PDGFRL: variants seen among roughly 807,000 people sequenced by gnomAD.
PDGFRL encodes platelet derived growth factor receptor like, also known as platelet-derived growth factor receptor-like protein.
In PDGFRL, 46 loss-of-function variants were observed where a neutral mutation model predicts 37.2. That is an observed-to-expected ratio of 1.24 (90% CI 0.98 to 1.58). The LOEUF (loss-of-function observed/expected upper bound fraction) is 1.58. PDGFRL is among the 40% of genes most tolerant of loss of function. The pLI is 0.00. For missense variants in PDGFRL, 692 were observed against 467.6 expected (o/e 1.48, Z -4.43); for synonymous variants, 251 against 184.3 (o/e 1.36, Z -2.93).
At chr8:17,588,590 T>C (rs1036004026) in intron 1 of PDGFRL, among the ~76,000 whole-genome samples, 1 of 152,172 alleles carries the variant, frequency 6.6e-6, no homozygotes, top group Non-Finnish European at 1.5e-5. Context: ...GGAGGATCAC[T>C]TGAGCCCAGG....
At chr8:17,630,524 T>C (rs1217303633) in intron 4 of PDGFRL, among the ~76,000 whole-genome samples, 1 of 152,178 alleles carries the variant, frequency 6.6e-6, no homozygotes, top group African/African-American at 2.4e-5. Flanking sequence ...TTGTTTAAAA[T>C]CTTCAGTCCC....
At chr8:17,640,909 G>A (rs368688546) in intron 5 of PDGFRL, among the ~76,000 whole-genome samples, 2 of 152,034 alleles carry the variant, frequency 1.3e-5, no homozygotes, top group African/African-American at 4.8e-5. Context: ...TGGGCTAGGC[G>A]TGTCTGAGCT....
intron 5 of PDGFRL, among the ~76,000 whole-genome samples, chr8:17,636,491 C>A (rs1445887095): frequency 6.6e-6 from 1 of 151,838 alleles, no homozygotes; most frequent in African/African-American, 2.4e-5. Context: ...TATACCAGTA[C>A]CATGCTGTTT....
At chr8:17,581,527 T>C (rs1424136249) in intron 1 of PDGFRL, among the ~76,000 whole-genome samples, 1 of 152,122 alleles carries the variant, frequency 6.6e-6, no homozygotes, top group African/African-American at 2.4e-5. Flanking sequence ...GTGGTGGTGG[T>C]GGTGGGAGGT....
intron 2 of PDGFRL, among the ~76,000 whole-genome samples, chr8:17,604,764 C>T (rs142909446): frequency 0.012 from 1,870 of 152,136 alleles, 53 homozygotes; most frequent in African/African-American, 0.042. Context: ...AAATTTAGAG[C>T]AAAATTTAGG....
chr8:17,577,236 G>A lies in PDGFRL; in HGVS notation c.-17G>A. On this transcript the variant is annotated 5_prime_UTR_variant, in exon 1 of 6. Transcript: ENST00000251630. ...CAGCCGCCGCGCTCCTGCGCTCCGA[G>A]GTCCGAGGTTCCCGAGATGAAGGTC... The A allele has an allele frequency of 6.2e-7, 1 of 1,611,070 alleles. No homozygotes were observed. The highest frequency in any genetic ancestry group is 8.5e-7 in the Non-Finnish European group (1 of 1,178,888).
At chr8:17,591,871 A>G (rs1221868185) in intron 2 of PDGFRL, among the ~76,000 whole-genome samples, 1 of 152,188 alleles carries the variant, frequency 6.6e-6, no homozygotes, top group Non-Finnish European at 1.5e-5. Flanking sequence ...AGCCGAGATC[A>G]GGCCACTGTG....
At chr8:17,592,807 C>A (rs1385039087) in intron 2 of PDGFRL, among the ~76,000 whole-genome samples, 1 of 152,110 alleles carries the variant, frequency 6.6e-6, no homozygotes, top group Admixed American at 6.6e-5. Flanking sequence ...CTTTCAACAT[C>A]TTTGTTTTTC....
intron 2 of PDGFRL, among the ~76,000 whole-genome samples, chr8:17,608,362 A>G (rs544812223): frequency 6.6e-6 from 1 of 152,284 alleles, no homozygotes; most frequent in East Asian, 1.9e-4. Flanking sequence ...TAGCTGGGAA[A>G]AGGTAGGGGG....
chr8:17,600,136 T>C (rs1804137236), intron 2 of PDGFRL, among the ~76,000 whole-genome samples: 1 of 152,190 alleles, frequency 6.6e-6, no homozygotes, highest in Non-Finnish European at 1.5e-5. Context: ...CTATTCATTC[T>C]TCAATAACTC....
chr8:17,580,573 T>C (rs1213872456), intron 1 of PDGFRL, among the ~76,000 whole-genome samples: 1 of 151,324 alleles, frequency 6.6e-6, no homozygotes, highest in African/African-American at 2.5e-5. Flanking sequence ...TAAAACCCTT[T>C]CTTTGTGGTG....
chr8:17,620,745 C>G (rs888987880), intron 2 of PDGFRL, among the ~76,000 whole-genome samples: 2 of 152,152 alleles, frequency 1.3e-5, no homozygotes, highest in African/African-American at 4.8e-5. Context: ...ATATTTACCT[C>G]ATTGTATTAC....
chr8:17,586,694 C>G (rs939608607), intron 1 of PDGFRL, among the ~76,000 whole-genome samples: 15 of 152,176 alleles, frequency 9.9e-5, no homozygotes, highest in African/African-American at 3.1e-4. Context: ...AGGTCAGATG[C>G]TAATTTCAGC....
chr8:17,627,785 A>G (rs1451298567), intron 3 of PDGFRL, among the ~76,000 whole-genome samples: 5 of 151,398 alleles, frequency 3.3e-5, no homozygotes, highest in Non-Finnish European at 7.4e-5. Context: ...CAGATTGCAA[A>G]TATATTTTTA....
intron 4 of PDGFRL, among the ~76,000 whole-genome samples, chr8:17,631,428 C>G (rs80280117): frequency 2.5e-3 from 383 of 152,228 alleles, no homozygotes; most frequent in African/African-American, 8.1e-3. Flanking sequence ...AATTTGGGTT[C>G]TGTCATGCCT....
chr8:17,577,339 T>A, intron 1 of PDGFRL, 32 bp downstream of exon 1: 1 of 1,588,562 alleles, frequency 6.3e-7, no homozygotes, highest in Non-Finnish European at 8.6e-7. Context: ...GCCACCTAGC[T>A]TGTGCCCTGA....
At chr8:17,627,503 G>C (rs867283295) in intron 3 of PDGFRL, among the ~76,000 whole-genome samples, 11 of 146,984 alleles carry the variant, frequency 7.5e-5, no homozygotes, top group Middle Eastern at 3.5e-3. Flanking sequence ...ATCTTGCTCT[G>C]TTGCCCAGGC....
chr8:17,583,684 C>T (rs1224808901), intron 1 of PDGFRL, among the ~76,000 whole-genome samples: 1 of 152,152 alleles, frequency 6.6e-6, no homozygotes, highest in Non-Finnish European at 1.5e-5. Context: ...GGGTGGACCC[C>T]TCATGAATGG....
chr8:17,626,263 G>T (rs935219955), intron 3 of PDGFRL, among the ~76,000 whole-genome samples: 2 of 152,220 alleles, frequency 1.3e-5, no homozygotes, highest in African/African-American at 4.8e-5. Flanking sequence ...GATGGACTCT[G>T]TGTGAACTCA....
Sources: allele counts gnomAD v4.1 joint callset (sites outside exome capture counted in the v4.1 genomes callset), GRCh38; gene constraint gnomAD v4.1.1; transcripts MANE v1.5; gene names NCBI Gene and HGNC (gene_info 2026-07-23, HGNC 2026-07-21).